The following GRID2 variants were observed in gnomAD, a reference collection of about 807,000 sequenced individuals.
GRID2 encodes the protein glutamate receptor ionotropic, delta-2.
A neutral mutation model predicts 114.8 loss-of-function variants in GRID2; 33 were observed. The observed-to-expected ratio is 0.29, with a 90% CI of 0.22 to 0.38. GRID2 has a LOEUF of 0.38. Ranked by LOEUF, GRID2 falls within the 10% of genes least tolerant of loss-of-function variation. The pLI is 1.00. For synonymous variants in GRID2, 505 were observed against 449.9 expected (o/e 1.12, Z -1.55); for missense variants, 1,184 against 1,257.7 (o/e 0.94, Z 0.89).
intron 2 of GRID2, among the ~76,000 whole-genome samples, chr4:93,016,961 T>C (rs2149240146): frequency 6.6e-6 from 1 of 152,254 alleles, no homozygotes; most frequent in Admixed American, 6.5e-5. Context: ...TCTGTCACGT[T>C]TTGGGGTAAT....
chr4:93,446,213 G>A (rs11097364), intron 10 of GRID2, among the ~76,000 whole-genome samples: 62,283 of 151,706 alleles, frequency 0.41, 13,978 homozygotes, highest in East Asian at 0.67. Context: ...TCATTCACAT[G>A]GTGATCCAGG....
chr4:93,680,744 ACT>A (rs1204453315), intron 14 of GRID2, among the ~76,000 whole-genome samples: 7 of 151,802 alleles, frequency 4.6e-5, no homozygotes, highest in African/African-American at 1.7e-4. Context: ...CATGCTAAAA[ACT>A]CTCAATAAAT....
intron 8 of GRID2, among the ~76,000 whole-genome samples, chr4:93,383,492 T>C (rs909753244): frequency 6.6e-6 from 1 of 152,176 alleles, no homozygotes; most frequent in African/African-American, 2.4e-5. Flanking sequence ...AAGCCTTCAA[T>C]AGACTCCAGA....
In GRID2 at chr4:93,540,415, A is replaced by G. The variant is rs141453820; in HGVS notation, c.2193+25004A>G. Among the ~76,000 whole-genome samples, 773 of 152,164 alleles carry G rather than the reference A, an allele frequency of 5.1e-3. 6 individuals are homozygous for G. Among genetic ancestry groups the G allele is most frequent in the African/African-American group, 0.016 (672 of 41,536 alleles). ...GACTTTTGATATCTGGTAAAGTTTG[A>G]ATGGAGGCCCATATTTTAAAATTAA... On this transcript the variant is annotated intron_variant, in intron 13 of 15. Transcript: ENST00000282020.
At chr4:92,574,413 ATT>A (rs58296126) in intron 1 of GRID2, among the ~76,000 whole-genome samples, 1,838 of 112,356 alleles carry the variant, frequency 0.016, 18 homozygotes, top group African/African-American at 0.036. Context: ...GTACTTTAGT[ATT>A]TTTTTTTTTT....
intron 2 of GRID2, among the ~76,000 whole-genome samples, chr4:92,944,886 G>T (rs1037139289): frequency 8.6e-5 from 13 of 151,954 alleles, no homozygotes; most frequent in Non-Finnish European, 1.9e-4. Flanking sequence ...TAAATGTATA[G>T]CTTCTAATGT....
chr4:92,958,590 T>C (rs775010096), intron 2 of GRID2, among the ~76,000 whole-genome samples: 6 of 152,096 alleles, frequency 3.9e-5, no homozygotes, highest in East Asian at 3.9e-4. Context: ...GTTGAAGATA[T>C]TTGCATCTAT....
chr4:93,115,845 C>A (rs778249208), intron 4 of GRID2, among the ~76,000 whole-genome samples: 4 of 152,090 alleles, frequency 2.6e-5, no homozygotes, highest in Admixed American at 2.0e-4. Context: ...GATTCAATTA[C>A]CTCCCCCAGG....
chr4:92,547,545 T>C (rs1028443603), intron 1 of GRID2, among the ~76,000 whole-genome samples: 1 of 152,172 alleles, frequency 6.6e-6, no homozygotes, highest in Non-Finnish European at 1.5e-5. Flanking sequence ...ACATTTTCAG[T>C]TTATATACAT....
intron 4 of GRID2, among the ~76,000 whole-genome samples, chr4:93,174,156 T>C (rs1199559179): frequency 2.0e-5 from 3 of 152,192 alleles, no homozygotes; most frequent in Non-Finnish European, 4.4e-5. Flanking sequence ...TGTGTATGTT[T>C]AACTCAATGC....
chr4:92,457,528 TAAGTA>T (rs1468129720), intron 1 of GRID2, among the ~76,000 whole-genome samples: 1 of 152,172 alleles, frequency 6.6e-6, no homozygotes. Context: ...AAGTCGGACT[TAAGTA>T]TTTAGCTGAC....
chr4:92,804,626 C>T (rs941804931), intron 2 of GRID2, among the ~76,000 whole-genome samples: 2 of 151,902 alleles, frequency 1.3e-5, no homozygotes, highest in Non-Finnish European at 2.9e-5. Context: ...TTAGTATTCT[C>T]CTGTAAGACT....
chr4:92,733,909 A>G (rs1340534839), intron 2 of GRID2, among the ~76,000 whole-genome samples: 1 of 152,060 alleles, frequency 6.6e-6, no homozygotes, highest in Non-Finnish European at 1.5e-5. Flanking sequence ...AAAATTCTTC[A>G]GAGGAGCAGG....
chr4:92,329,218 C>G (rs1158021633), intron 1 of GRID2, among the ~76,000 whole-genome samples: 3 of 151,490 alleles, frequency 2.0e-5, no homozygotes, highest in Non-Finnish European at 2.9e-5. Flanking sequence ...AATTCTTAAA[C>G]TTTTTTTTTC....
At chr4:93,226,041 T>G (rs1434792788) in intron 7 of GRID2, among the ~76,000 whole-genome samples, 5 of 152,162 alleles carry the variant, frequency 3.3e-5, no homozygotes, top group African/African-American at 1.2e-4. Context: ...TCTAATCACC[T>G]CAATGTCCCT....
At chr4:92,546,499 G>A (rs761820998) in intron 1 of GRID2, among the ~76,000 whole-genome samples, 2 of 152,092 alleles carry the variant, frequency 1.3e-5, no homozygotes, top group Admixed American at 6.6e-5. Flanking sequence ...TATGTTGTTC[G>A]GTAACTAAGA....
chr4:92,793,149 T>C (rs1253496751), intron 2 of GRID2, among the ~76,000 whole-genome samples: 1 of 151,830 alleles, frequency 6.6e-6, no homozygotes, highest in East Asian at 1.9e-4. Context: ...AAGACAGTTT[T>C]CTCCGTTTTG....
intron 8 of GRID2, among the ~76,000 whole-genome samples, chr4:93,369,103 A>G (rs535490301): frequency 2.0e-5 from 3 of 152,170 alleles, no homozygotes; most frequent in Non-Finnish European, 2.9e-5. Flanking sequence ...GGAGGCCAAA[A>G]GTTCACAAGC....
intron 2 of GRID2, among the ~76,000 whole-genome samples, chr4:92,866,367 G>A (rs145696570): frequency 1.1e-3 from 164 of 152,194 alleles, no homozygotes; most frequent in Non-Finnish European, 1.7e-3. Context: ...TTACCTAACA[G>A]CCTCTCCCTC....
Sources: allele counts gnomAD v4.1 joint callset (sites outside exome capture counted in the v4.1 genomes callset), GRCh38; gene constraint gnomAD v4.1.1; transcripts MANE v1.5; gene names NCBI Gene and HGNC (gene_info 2026-07-23, HGNC 2026-07-21).